ALAS2: variants seen among roughly 807,000 people sequenced by gnomAD.
ALAS2 encodes 5-aminolevulinate synthase, erythroid-specific, mitochondrial.
Under a neutral mutation model 33.7 loss-of-function variants are expected in ALAS2, and 3 were observed. The ratio of observed to expected loss-of-function variants is 0.09; its 90% CI spans 0.04 to 0.23. ALAS2 has a LOEUF of 0.23. Ranked by LOEUF, ALAS2 falls within the 10% of genes least tolerant of loss-of-function variation. ALAS2 has a pLI of 1.00. For synonymous variants in ALAS2, 191 were observed against 177.3 expected (o/e 1.08, Z -0.61); for missense variants, 304 against 475.1 (o/e 0.64, Z 3.35).
intron 5 of ALAS2, 42 bp from the exon 6 acceptor site, chrX:55,020,546 T>C: frequency 8.8e-7 from 1 of 1,131,736 alleles, no homozygotes; most frequent in Non-Finnish European, 1.2e-6. Flanking sequence ...AAAGAAACTC[T>C]TGTCAGGCAT....
chrX:55,011,746 A>G (rs1237273913), intron 10 of ALAS2, among the ~76,000 whole-genome samples: 2 of 111,575 alleles, frequency 1.8e-5, no homozygotes, highest in African/African-American at 6.5e-5. Context: ...CATTCAGAGA[A>G]CCAAGAATAC....
At chrX:55,022,848 T>G (rs1341526255) in intron 4 of ALAS2, among the ~76,000 whole-genome samples, 1 of 111,877 alleles carries the variant, frequency 8.9e-6, no homozygotes, top group Non-Finnish European at 1.9e-5. Flanking sequence ...GATACATATG[T>G]GTTAAAGTGG....
chrX:55,010,538 A>G (rs1328669406), intron 10 of ALAS2, among the ~76,000 whole-genome samples: 2 of 110,911 alleles, frequency 1.8e-5, no homozygotes, highest in Non-Finnish European at 3.8e-5. Flanking sequence ...CCTCAAATAT[A>G]AAAGGAATAC....
intron 6 of ALAS2, among the ~76,000 whole-genome samples, chrX:55,018,329 C>T (rs1935739273): frequency 9.0e-6 from 1 of 111,136 alleles, no homozygotes; most frequent in Non-Finnish European, 1.9e-5. Context: ...ATTCCTGGAC[C>T]TCCCCAACCC....
At chrX:55,015,860 G>A in intron 7 of ALAS2, 118 bp from the exon 8 acceptor site, 1 of 818,060 alleles carries the variant, frequency 1.2e-6, no homozygotes, top group Non-Finnish European at 1.8e-6. Flanking sequence ...TAGAGAGGAA[G>A]GAGGATGTGC....
intron 10 of ALAS2, 152 bp from the exon 11 acceptor site, chrX:55,009,495 C>A: frequency 1.9e-6 from 1 of 518,408 alleles, no homozygotes; most frequent in South Asian, 3.6e-5. Flanking sequence ...CTGTGTGTGC[C>A]GTGAATATTA....
At chrX:55,012,805 A>T (rs1248258134) in intron 10 of ALAS2, among the ~76,000 whole-genome samples, 1 of 111,995 alleles carries the variant, frequency 8.9e-6, no homozygotes, top group African/African-American at 3.2e-5. Flanking sequence ...AAAAACAAAA[A>T]CAAAAACAAA....
At chrX:55,023,944 C>A in intron 3 of ALAS2, 77 bp from the exon 4 acceptor site, 1 of 812,075 alleles carries the variant, frequency 1.2e-6, no homozygotes, top group Non-Finnish European at 1.8e-6. Flanking sequence ...TCTTTAAGCT[C>A]AATGCAACAC....
At chrX:55,014,314 C>T (rs748890384) in intron 9 of ALAS2, among the ~76,000 whole-genome samples, 2 of 112,022 alleles carry the variant, frequency 1.8e-5, no homozygotes, top group East Asian at 2.8e-4. Flanking sequence ...CATACACATA[C>T]ATGTGTATAT....
chrX:55,009,164 C>T lies in ALAS2; in HGVS notation c.*16G>A. On this transcript the variant is annotated 3_prime_UTR_variant, in exon 11 of 11. Coordinates refer to ENST00000650242, the MANE Select transcript of ALAS2 (RefSeq NM_000032.5). ...GTGAAGCGCAGGTGGGGTGTGAATCCTAGGCAGCTGGCTTCTCAGGCATAG... is the reference window on the plus strand; with the variant it reads ...GTGAAGCGCAGGTGGGGTGTGAATCTTAGGCAGCTGGCTTCTCAGGCATAG... The T allele has an allele frequency of 8.3e-7, 1 of 1,205,842 alleles. No homozygotes were observed.
intron 6 of ALAS2, among the ~76,000 whole-genome samples, chrX:55,019,871 C>T (rs764977475): frequency 1.8e-5 from 2 of 111,453 alleles, no homozygotes; most frequent in Admixed American, 1.9e-4. Context: ...TAGATAAGTT[C>T]GTAGGTTTGG....
rs896095173 is a variant in ALAS2 at position 55,017,798 on chromosome X, G to A, written c.824-133C>T. ...ACCTTGCTCTGCTTCTTCCTTCTCT[G>A]GGAACTTTTGTGACACTTCTTTCTC... On this transcript the variant is annotated intron_variant, in intron 6 of 10. Transcript: ENST00000650242. The A allele has an allele frequency of 7.1e-5, 49 of 688,891 alleles. No homozygotes were observed. In the African/African-American group the frequency reaches 1.0e-3, roughly 14 times the overall value. 56.8% of individuals were successfully genotyped at this position (688,891 alleles called of 1,213,427 possible). A position where few individuals can be genotyped will look rare whatever the true frequency, so the allele number is the denominator to read the frequency against.
intron 10 of ALAS2, 114 bp downstream of exon 10, chrX:55,013,372 T>C: frequency 1.2e-6 from 1 of 819,310 alleles, no homozygotes; most frequent in East Asian, 3.4e-5. Context: ...TGGCACACAT[T>C]AGATGTTCCA....
rs896955168 is a variant in ALAS2 at position 55,029,371 on chromosome X, A to T, written c.-16+1571T>A. ...GCCCTCTGTGCCAGGCCGTGTTCTC[A>T]TGTCAACCCTGTGATGATAGGGAAA... On this transcript the variant is annotated intron_variant, in intron 1 of 10. Coordinates refer to ENST00000650242, the MANE Select transcript of ALAS2 (RefSeq NM_000032.5). Among the ~76,000 whole-genome samples, 11 of 111,920 alleles carry T rather than the reference A, an allele frequency of 9.8e-5. No homozygotes were observed. In the Admixed American group the frequency reaches 1.0e-3, roughly 11 times the overall value.
chrX:55,011,677 G>A (rs771929476), intron 10 of ALAS2, among the ~76,000 whole-genome samples: 38 of 112,049 alleles, frequency 3.4e-4, no homozygotes, highest in African/African-American at 1.2e-3. Context: ...GGAACTTAGG[G>A]ACTGGTGGAG....
chrX:55,027,476 A>C (rs1288773438), intron 1 of ALAS2, among the ~76,000 whole-genome samples: 2 of 110,686 alleles, frequency 1.8e-5, no homozygotes, highest in Non-Finnish European at 3.8e-5. Flanking sequence ...AGCTAGAGAG[A>C]GCAAGAAGGA....
chrX:55,027,801 C>T (rs368071543), intron 1 of ALAS2: 61 of 1,209,625 alleles, frequency 5.0e-5, no homozygotes, highest in South Asian at 3.9e-4. Context: ...ACCTCTCCCC[C>T]TCTCATGGGC....
intron 10 of ALAS2, 111 bp from the exon 11 acceptor site, chrX:55,009,454 C>G (rs746580739): frequency 1.6e-4 from 128 of 799,530 alleles, no homozygotes; most frequent in Middle Eastern, 3.2e-4. Flanking sequence ...TTCAAGATAC[C>G]TCAGGGCCAG....
chrX:55,029,029 A>G (rs1935943437), intron 1 of ALAS2, among the ~76,000 whole-genome samples: 1 of 112,087 alleles, frequency 8.9e-6, no homozygotes, highest in Non-Finnish European at 1.9e-5. Flanking sequence ...AATCCATATA[A>G]AGCATTTAGC....
Sources: allele counts gnomAD v4.1 joint callset (sites outside exome capture counted in the v4.1 genomes callset), GRCh38; gene constraint gnomAD v4.1.1; transcripts MANE v1.5; gene names NCBI Gene and HGNC (gene_info 2026-07-23, HGNC 2026-07-21).